Variants in MAPK10 observed in about 807,000 individuals in gnomAD.
The protein encoded by MAPK10 is mitogen-activated protein kinase 10.
A neutral mutation model predicts 59.3 loss-of-function variants in MAPK10; 25 were observed. The ratio of observed to expected loss-of-function variants is 0.42; its 90% CI spans 0.31 to 0.59. The LOEUF (loss-of-function observed/expected upper bound fraction) is 0.59. Ranked by LOEUF, MAPK10 falls within the 20% of genes least tolerant of loss-of-function variation. The pLI is 0.15. For synonymous variants in MAPK10, 190 were observed against 200.5 expected (o/e 0.95, Z 0.44); for missense variants, 351 against 568.9 (o/e 0.62, Z 3.90).
intron 2 of MAPK10, among the ~76,000 whole-genome samples, chr4:86,221,790 G>A (rs2089683595): frequency 6.6e-6 from 1 of 152,146 alleles, no homozygotes; most frequent in South Asian, 2.1e-4. Flanking sequence ...AAGCCACTGA[G>A]CACAGCATAT....
intron 1 of MAPK10, among the ~76,000 whole-genome samples, chr4:86,552,901 C>T (rs955947835): frequency 5.9e-5 from 9 of 152,082 alleles, no homozygotes; most frequent in Non-Finnish European, 1.0e-4. Flanking sequence ...AGCTTTCACC[C>T]GGGCTTCCAC....
intron 12 of MAPK10, among the ~76,000 whole-genome samples, chr4:86,030,236 T>C (rs2038691066): frequency 6.6e-6 from 1 of 152,202 alleles, no homozygotes; most frequent in Admixed American, 6.5e-5. Context: ...TTGTATATGT[T>C]CATTTTTCCA....
intron 4 of MAPK10, among the ~76,000 whole-genome samples, chr4:86,135,191 A>G: frequency 6.6e-6 from 1 of 152,208 alleles, no homozygotes; most frequent in Non-Finnish European, 1.5e-5. Flanking sequence ...ACCACAGCTC[A>G]AGGAGGCCTG....
chr4:86,462,286 C>T (rs1303855474), intron 1 of MAPK10, among the ~76,000 whole-genome samples: 5 of 152,166 alleles, frequency 3.3e-5, no homozygotes, highest in Non-Finnish European at 1.5e-5. Context: ...ATTCACATTA[C>T]AATGGGGATA....
chr4:86,059,188 G>A (rs1340479253), intron 11 of MAPK10, among the ~76,000 whole-genome samples: 1 of 152,172 alleles, frequency 6.6e-6, no homozygotes, highest in Non-Finnish European at 1.5e-5. Flanking sequence ...GTAATATCCA[G>A]TAAGATATAA....
rs2062517434 is a variant in MAPK10, at chr4:86,137,522, T to C, written c.236+21776A>G. Among the ~76,000 whole-genome samples, 8 of 133,526 alleles carry C rather than the reference T, an allele frequency of 6.0e-5. No homozygotes were observed. The East Asian group carries it at 6.2e-4, about 10-fold the overall frequency. 87.6% of individuals were successfully genotyped at this position (133,526 alleles called of 152,430 possible). A position where few individuals can be genotyped will look rare whatever the true frequency, so the allele number is the denominator to read the frequency against. On this transcript the variant is annotated intron_variant, in intron 4 of 13. Transcript: ENST00000641462. ...ACACAACATACCAGAATCTCTGGGA[T>C]GCATTCAAAGCAGTGTGTAGAGGGA...
chr4:86,411,516 A>G (rs1745168653), intron 1 of MAPK10, among the ~76,000 whole-genome samples: 1 of 152,168 alleles, frequency 6.6e-6, no homozygotes, highest in Non-Finnish European at 1.5e-5. Context: ...AAAGTCTCCC[A>G]TTATTATTGT....
At chr4:86,113,577 G>C (rs1436772225) in intron 4 of MAPK10, among the ~76,000 whole-genome samples, 1 of 152,184 alleles carries the variant, frequency 6.6e-6, no homozygotes, top group African/African-American at 2.4e-5. Flanking sequence ...TTTCTGCTGA[G>C]AGGTCTGTTG....
At chr4:86,378,351 G>A (rs1297954648) in intron 1 of MAPK10, among the ~76,000 whole-genome samples, 3 of 151,964 alleles carry the variant, frequency 2.0e-5, no homozygotes, top group Non-Finnish European at 2.9e-5. Flanking sequence ...CTTCCTTAAC[G>A]TGTGCATTAT....
intron 4 of MAPK10, among the ~76,000 whole-genome samples, chr4:86,137,734 A>G (rs1349361192): frequency 1.5e-5 from 2 of 133,638 alleles, no homozygotes; most frequent in African/African-American, 3.3e-5. Flanking sequence ...CAAAAAATTA[A>G]TGAATCCAGG....
intron 1 of MAPK10, among the ~76,000 whole-genome samples, chr4:86,393,633 A>G (rs908478040): frequency 1.3e-5 from 2 of 152,196 alleles, no homozygotes; most frequent in Non-Finnish European, 2.9e-5. Context: ...TTTTTTTAAA[A>G]AGACAATTCT....
At chr4:86,574,052 A>C (rs375165499) in intron 1 of MAPK10, among the ~76,000 whole-genome samples, 7,090 of 150,682 alleles carry the variant, frequency 0.047, 216 homozygotes, top group African/African-American at 0.059. Flanking sequence ...CTATCCTTCC[A>C]CCCTCCCTCC....
intron 5 of MAPK10, among the ~76,000 whole-genome samples, chr4:86,103,531 G>A (rs1008260327): frequency 2.0e-5 from 3 of 151,960 alleles, no homozygotes; most frequent in African/African-American, 2.4e-5. Flanking sequence ...GTGATTCCTC[G>A]TGGCAGAATA....
intron 1 of MAPK10, among the ~76,000 whole-genome samples, chr4:86,385,709 A>G (rs1741367663): frequency 6.6e-6 from 1 of 152,312 alleles, no homozygotes; most frequent in Admixed American, 6.5e-5. Flanking sequence ...CCGGATGGGT[A>G]AATCAAAAGA....
At chr4:86,367,878 G>T (rs1418898871) in intron 1 of MAPK10, among the ~76,000 whole-genome samples, 1 of 151,984 alleles carries the variant, frequency 6.6e-6, no homozygotes, top group East Asian at 1.9e-4. Flanking sequence ...ACCCATCTTG[G>T]TTCTGCTTCA....
At chr4:86,239,284 C>G (rs538557324) in intron 2 of MAPK10, among the ~76,000 whole-genome samples, 51 of 152,264 alleles carry the variant, frequency 3.3e-4, no homozygotes, top group African/African-American at 1.2e-3. Flanking sequence ...CTATGTTCAT[C>G]AGGGATATTG....
intron 1 of MAPK10, among the ~76,000 whole-genome samples, chr4:86,446,098 G>A (rs556693419): frequency 1.4e-4 from 21 of 152,230 alleles, no homozygotes; most frequent in Admixed American, 2.6e-4. Flanking sequence ...ACAGTAAGGC[G>A]CTGGAGGGCA....
chr4:86,076,115 G>T (rs1362998276), intron 9 of MAPK10, among the ~76,000 whole-genome samples: 2 of 152,174 alleles, frequency 1.3e-5, no homozygotes, highest in Non-Finnish European at 2.9e-5. Context: ...TTTTTAAGCC[G>T]GTCTGAAAAG....
intron 1 of MAPK10, among the ~76,000 whole-genome samples, chr4:86,575,173 C>T (rs1761788331): frequency 6.6e-6 from 1 of 152,202 alleles, no homozygotes; most frequent in Non-Finnish European, 1.5e-5. Flanking sequence ...TGCCCTTAGA[C>T]TAAGATTCGC....
Sources: gnomAD v4.1 joint callset for allele counts (sites outside exome capture counted in the v4.1 genomes callset) on GRCh38, gnomAD v4.1.1 for gene constraint, MANE v1.5 for transcripts, NCBI Gene and HGNC (gene_info 2026-07-23, HGNC 2026-07-21) for gene names.